Variants in GLI3 observed in about 807,000 individuals in gnomAD.
GLI3 encodes the protein transcription activator GLI3.
GLI3 carries 20 observed loss-of-function variants against 100.8 expected under a neutral mutation model. That is an observed-to-expected ratio of 0.20 (90% CI 0.14 to 0.29). The LOEUF (loss-of-function observed/expected upper bound fraction) is 0.29, where lower values mean the gene tolerates loss of function less well. GLI3 is among the 10% of genes least tolerant of loss of function. GLI3 has a pLI of 1.00. For synonymous variants in GLI3, 938 were observed against 860.5 expected, an observed-to-expected ratio of 1.09 and a Z score of -1.58; for missense variants, 2,040 against 2,128.5, an observed-to-expected ratio of 0.96 and a Z score of 0.82.
At chr7:42,115,548 G>A (rs1785831803) in intron 3 of GLI3, among the ~76,000 whole-genome samples, 1 of 152,168 alleles carries the variant, frequency 6.6e-6, no homozygotes, top group Non-Finnish European at 1.5e-5. Flanking sequence ...TAGTTCAGGT[G>A]ACGTGGATGT....
intron 4 of GLI3, among the ~76,000 whole-genome samples, chr7:42,074,767 T>C (rs1286437044): frequency 6.6e-6 from 1 of 152,222 alleles, no homozygotes; most frequent in East Asian, 1.9e-4. Flanking sequence ...AGCAATGATA[T>C]TCCCTCTCAG....
chr7:42,194,979 G>C (rs1787899153), intron 2 of GLI3, among the ~76,000 whole-genome samples: 1 of 151,710 alleles, frequency 6.6e-6, no homozygotes, highest in Admixed American at 6.6e-5. Flanking sequence ...GTTGGTCAGG[G>C]TGTTCTCAAA....
At chr7:42,142,436 T>C (rs574494090) in intron 3 of GLI3, among the ~76,000 whole-genome samples, 178 of 152,324 alleles carry the variant, frequency 1.2e-3, no homozygotes, top group Non-Finnish European at 2.2e-3. Flanking sequence ...TTTCTCTTCC[T>C]GACCTGGGTG....
At chr7:42,072,099 G>A (rs1336223095) in intron 4 of GLI3, among the ~76,000 whole-genome samples, 2 of 152,226 alleles carry the variant, frequency 1.3e-5, no homozygotes, top group Non-Finnish European at 2.9e-5. Context: ...CAGCCTTTAT[G>A]TGAGCTGGCT....
intron 7 of GLI3, among the ~76,000 whole-genome samples, chr7:42,031,649 C>T (rs565827108): frequency 1.3e-5 from 2 of 152,232 alleles, no homozygotes; most frequent in South Asian, 4.2e-4. Flanking sequence ...GTTAATTTGC[C>T]CTTTATTTTA....
intron 6 of GLI3, among the ~76,000 whole-genome samples, chr7:42,041,622 A>C (rs980271304): frequency 6.6e-6 from 1 of 152,208 alleles, no homozygotes; most frequent in African/African-American, 2.4e-5. Flanking sequence ...GAACAACTGA[A>C]GTAGCAGGTA....
At chr7:42,227,737 GC>G (rs1252060343) in intron 1 of GLI3, 1 of 152,098 alleles carries the variant, frequency 6.6e-6, no homozygotes, top group African/African-American at 2.4e-5. Flanking sequence ...TACCACCTTG[GC>G]GAATTCTTGC....
At chr7:42,019,222 A>G (rs1296693962) in intron 10 of GLI3, among the ~76,000 whole-genome samples, 1 of 152,170 alleles carries the variant, frequency 6.6e-6, no homozygotes, top group Non-Finnish European at 1.5e-5. Flanking sequence ...CTCCACACTG[A>G]GATGGAAGTT....
chr7:42,261,157 C>A (rs1236367036), intron 1 of GLI3, among the ~76,000 whole-genome samples: 1 of 151,650 alleles, frequency 6.6e-6, no homozygotes, highest in Admixed American at 6.6e-5. Flanking sequence ...AAAGGTGGAG[C>A]AGGCATGTCA....
At chr7:42,245,115 G>A (rs1788958704) in intron 1 of GLI3, among the ~76,000 whole-genome samples, 1 of 152,180 alleles carries the variant, frequency 6.6e-6, no homozygotes, top group Admixed American at 6.5e-5. Context: ...GCTGGACTGG[G>A]CCTTCCCATT....
At chr7:41,988,637 C>A (rs1183512090) in intron 10 of GLI3, among the ~76,000 whole-genome samples, 1 of 152,182 alleles carries the variant, frequency 6.6e-6, no homozygotes, top group Non-Finnish European at 1.5e-5. Context: ...TCACCAGACA[C>A]TGAATCTTCT....
intron 10 of GLI3, among the ~76,000 whole-genome samples, chr7:42,008,996 C>T (rs1788534919): frequency 6.6e-6 from 1 of 152,284 alleles, no homozygotes; most frequent in South Asian, 2.1e-4. Flanking sequence ...CAACTTCATC[C>T]TGGAAACAGG....
chr7:42,047,957 T>G (rs1021373704), intron 5 of GLI3, among the ~76,000 whole-genome samples: 1 of 152,198 alleles, frequency 6.6e-6, no homozygotes, highest in Non-Finnish European at 1.5e-5. Context: ...TCCCACCTGA[T>G]GCAGAATCAC....
intron 2 of GLI3, among the ~76,000 whole-genome samples, chr7:42,196,164 G>C (rs1003000388): frequency 2.0e-5 from 3 of 152,184 alleles, no homozygotes; most frequent in Non-Finnish European, 4.4e-5. Flanking sequence ...ATTTACTCAT[G>C]ATTAAAGACA....
At chr7:42,065,889 C>T (rs1490444945) in intron 4 of GLI3, among the ~76,000 whole-genome samples, 1 of 152,068 alleles carries the variant, frequency 6.6e-6, no homozygotes, top group Non-Finnish European at 1.5e-5. Context: ...ATTCGAGTAG[C>T]CATGTTATTA....
intron 3 of GLI3, among the ~76,000 whole-genome samples, chr7:42,093,207 C>T (rs1250259523): frequency 2.0e-5 from 3 of 151,832 alleles, no homozygotes; most frequent in Non-Finnish European, 4.4e-5. Flanking sequence ...TGGAGAAACC[C>T]CGTCTCTACT....
At chr7:42,262,817 C>A (rs1226857014) in intron 1 of GLI3, among the ~76,000 whole-genome samples, 2 of 152,208 alleles carry the variant, frequency 1.3e-5, no homozygotes, top group African/African-American at 4.8e-5. Context: ...ATTCATGCTA[C>A]ATACATTTTA....
intron 3 of GLI3, among the ~76,000 whole-genome samples, chr7:42,133,933 T>G (rs1786357864): frequency 6.6e-6 from 1 of 151,920 alleles, no homozygotes; most frequent in South Asian, 2.1e-4. Context: ...AATACAAAAA[T>G]TAGCCGGCGT....
At chr7:42,098,525 C>T (rs559162563) in intron 3 of GLI3, among the ~76,000 whole-genome samples, 1 of 152,176 alleles carries the variant, frequency 6.6e-6, no homozygotes, top group Non-Finnish European at 1.5e-5. Context: ...GTACACATGA[C>T]TCCATATCTC....
Sources: gnomAD v4.1 joint callset for allele counts (sites outside exome capture counted in the v4.1 genomes callset) on GRCh38, gnomAD v4.1.1 for gene constraint, MANE v1.5 for transcripts, NCBI Gene and HGNC (gene_info 2026-07-23, HGNC 2026-07-21) for gene names.